The following USP24 variants were observed in gnomAD, a reference collection of about 807,000 sequenced individuals.
USP24 encodes the protein ubiquitin carboxyl-terminal hydrolase 24.
Under a neutral mutation model 361.6 loss-of-function variants are expected in USP24, and 97 were observed. The observed-to-expected ratio is 0.27, with a 90% CI of 0.23 to 0.32. The LOEUF (loss-of-function observed/expected upper bound fraction) is 0.32. Among genes scored for constraint, USP24 ranks in the 10% least tolerant of loss-of-function variants. The pLI, the probability that USP24 is intolerant of heterozygous loss-of-function variation, is 1.00. For missense variants in USP24, 2,353 were observed against 3,165.6 expected, an observed-to-expected ratio of 0.74 and a Z score of 6.16; for synonymous variants, 1,098 against 1,124.6, an observed-to-expected ratio of 0.98 and a Z score of 0.47.
chr1:55,071,241 A>G, intron 67 of USP24: 8 of 987,818 alleles, frequency 8.1e-6, no homozygotes, highest in Non-Finnish European at 9.6e-6. Flanking sequence ...GACTATTGGA[A>G]AGACGTAATG....
chr1:55,116,643 T>TAGCAAAGAGATTC (rs1553152504), intron 38 of USP24, among the ~76,000 whole-genome samples: 1 of 145,436 alleles, frequency 6.9e-6, no homozygotes, highest in Non-Finnish European at 1.5e-5. Context: ...TAAATCTATT[T>TAGCAAAGAGATTC]AGCAAAGAGA....
chr1:55,159,798 A>C, intron 8 of USP24, 113 bp from the exon 9 acceptor site: 1 of 980,206 alleles, frequency 1.0e-6, no homozygotes, highest in Non-Finnish European at 1.5e-6. Context: ...AAAGATAAAA[A>C]TTTTCATATC....
intron 1 of USP24, among the ~76,000 whole-genome samples, chr1:55,202,930 T>C (rs1161245758): frequency 6.6e-6 from 1 of 152,198 alleles, no homozygotes; most frequent in Non-Finnish European, 1.5e-5. Context: ...AGATAAACTA[T>C]AGAATCAACA....
intron 1 of USP24, among the ~76,000 whole-genome samples, chr1:55,193,051 A>G (rs1346581179): frequency 6.6e-6 from 1 of 152,230 alleles, no homozygotes; most frequent in Non-Finnish European, 1.5e-5. Flanking sequence ...GAACGGATCT[A>G]GACATTTTTT....
In USP24 at chr1:55,188,964, CAAAAAAAAAA is replaced by C. The variant is rs533085761; in HGVS notation, c.325-10842_325-10833del. 2.8e-4 allele frequency among the ~76,000 whole-genome samples: 21 copies of C among 74,392 alleles called. No homozygotes were observed. The South Asian group carries it at 4.9e-3, about 17-fold the overall frequency. 48.8% of individuals were successfully genotyped at this position (74,392 alleles called of 152,430 possible). Reference sequence around the variant, plus strand: ...GGACAACAAGAGCAAAACTCCATCTCAAAAAAAAAAAAAAAAAAAAAAAAAAAAAAAGACA... The same window carrying C: ...GGACAACAAGAGCAAAACTCCATCTCAAAAAAAAAAAAAAAAAAAAAGACA... On this transcript the variant is annotated intron_variant, in intron 1 of 67. Coordinates refer to ENST00000294383, the MANE Select transcript of USP24 (RefSeq NM_015306.3).
At chr1:55,148,341 A>T in intron 17 of USP24, 122 bp downstream of exon 17, 1 of 643,542 alleles carries the variant, frequency 1.6e-6, no homozygotes, top group Non-Finnish European at 2.5e-6. Context: ...ATTAGATGAT[A>T]TAAGTGAATT....
chr1:55,090,765 G>C (rs1645356038), intron 54 of USP24, among the ~76,000 whole-genome samples: 1 of 152,152 alleles, frequency 6.6e-6, no homozygotes, highest in Non-Finnish European at 1.5e-5. Context: ...TAATGTGCAG[G>C]CACCTTACCA....
At chr1:55,167,346 TG>T (rs35247306) in intron 5 of USP24, among the ~76,000 whole-genome samples, 4,401 of 152,126 alleles carry the variant, frequency 0.029, 151 homozygotes, top group African/African-American at 0.081. Flanking sequence ...GAGGCTAAAA[TG>T]GCAAAGGTCC....
chr1:55,152,502 T>C (rs945769593), intron 16 of USP24, among the ~76,000 whole-genome samples: 1 of 152,198 alleles, frequency 6.6e-6, no homozygotes, highest in African/African-American at 2.4e-5. Context: ...AACGTGTCTG[T>C]TGCTGAGAAG....
intron 1 of USP24, among the ~76,000 whole-genome samples, chr1:55,199,367 C>G (rs897409763): frequency 1.3e-5 from 2 of 151,674 alleles, no homozygotes; most frequent in Non-Finnish European, 2.9e-5. Context: ...TCCTAGATTA[C>G]AATTTTTATA....
intron 45 of USP24, 28 bp from the exon 46 acceptor site, chr1:55,098,586 A>G: frequency 6.6e-7 from 1 of 1,514,612 alleles, no homozygotes; most frequent in African/African-American, 1.4e-5. Flanking sequence ...TACAGTTTTA[A>G]GTGATGCCTC....
rs1645101025 is a variant in USP24, at chr1:55,079,596, A to G, written c.7142T>C (p.Leu2381Pro). Residue 2381 changes from leucine (L) to proline (P), a missense_variant, in exon 60 of 68, where the codon CTC becomes CCC. Transcript: ENST00000294383. ...CAACAAGGCTTCTACCTCCTCATGG[A>G]GGGGCAACAGAGGGCTTGAGGGAGC... ...SIAPSSPLLP[L>P]HEEVEALLFM... 1 of 1,561,980 alleles carries G rather than the reference A, an allele frequency of 6.4e-7. No individual in the cohort carries two copies. The highest frequency in any genetic ancestry group is 1.2e-5 in the South Asian group (1 of 80,070).
At chr1:55,135,071 T>A (rs1459524372) in intron 28 of USP24, among the ~76,000 whole-genome samples, 2 of 152,212 alleles carry the variant, frequency 1.3e-5, no homozygotes, top group Non-Finnish European at 2.9e-5. Flanking sequence ...AGATACTATG[T>A]ACACTGTTTT....
intron 10 of USP24, 92 bp from the exon 11 acceptor site, chr1:55,157,462 C>T (rs1328182058): frequency 1.4e-6 from 1 of 706,920 alleles, no homozygotes; most frequent in Non-Finnish European, 2.2e-6. Context: ...TTACAATGTG[C>T]TTCAATAACT....
intron 16 of USP24, chr1:55,152,085 C>T (rs935191839): frequency 5.0e-5 from 32 of 635,814 alleles, no homozygotes; most frequent in Non-Finnish European, 5.9e-6. Flanking sequence ...TGCCCCCCTT[C>T]AGCAATGTGT....
intron 24 of USP24, 61 bp downstream of exon 24, chr1:55,141,555 A>G (rs201666148): frequency 2.6e-5 from 36 of 1,407,152 alleles, no homozygotes; most frequent in Non-Finnish European, 3.2e-5. Context: ...CATAAAAAAC[A>G]CCAATCATTT....
At chr1:55,130,770 CA>C (rs1463354168) in intron 31 of USP24, among the ~76,000 whole-genome samples, 10 of 152,096 alleles carry the variant, frequency 6.6e-5, no homozygotes, top group Non-Finnish European at 1.5e-5. Context: ...CAGGTTTCCT[CA>C]AAGACAAGGA....
At chr1:55,190,852 G>A (rs956885315) in intron 1 of USP24, among the ~76,000 whole-genome samples, 13 of 152,084 alleles carry the variant, frequency 8.5e-5, no homozygotes, top group East Asian at 5.8e-4. Flanking sequence ...AAAGGAAATC[G>A]TGCTCCAGAG....
chr1:55,215,295 C>A lies in USP24; in HGVS notation c.-182G>T, dbSNP rs1455765160. 1.3e-5 allele frequency among the ~76,000 whole-genome samples: 2 copies of A among 151,784 alleles called. No homozygotes were observed. Among genetic ancestry groups the A allele is most frequent in the African/African-American group, 2.4e-5 (1 of 41,390 alleles). ...GCGGGCTTGGGTCCTGCGAGCCGAG[C>A]TAGTGCGGTGAGGCGCTCAGGCGCG... On this transcript the variant is annotated 5_prime_UTR_variant, in exon 1 of 68. Coordinates refer to ENST00000294383, the MANE Select transcript of USP24 (RefSeq NM_015306.3).
Sources: gnomAD v4.1 joint callset for allele counts (sites outside exome capture counted in the v4.1 genomes callset) on GRCh38, gnomAD v4.1.1 for gene constraint, MANE v1.5 for transcripts, NCBI Gene and HGNC (gene_info 2026-07-23, HGNC 2026-07-21) for gene names.